TP63: variants seen among roughly 807,000 people sequenced by gnomAD.
TP63 encodes tumor protein 63.
Under a neutral mutation model 82.8 loss-of-function variants are expected in TP63, and 17 were observed. The observed-to-expected ratio is 0.21, with a 90% CI of 0.14 to 0.31. The LOEUF (loss-of-function observed/expected upper bound fraction) is 0.31. Among genes scored for constraint, TP63 ranks in the 10% least tolerant of loss-of-function variants. The pLI is 1.00. For missense variants in TP63, 648 were observed against 895.3 expected (o/e 0.72, Z 3.52); for synonymous variants, 330 against 321.7 (o/e 1.03, Z -0.28).
chr3:189,601,211 T>G, the TP63 span, among the ~76,000 whole-genome samples: 2 of 152,218 alleles, frequency 1.3e-5, no homozygotes, highest in South Asian at 4.1e-4. Flanking sequence ...TTTATGTTTT[T>G]GGAAAGTCTG....
intron 4 of TP63, among the ~76,000 whole-genome samples, chr3:189,827,279 G>A (rs568292395): frequency 4.2e-4 from 64 of 152,240 alleles, no homozygotes; most frequent in African/African-American, 1.5e-3. Context: ...TGTCTGCCAT[G>A]CAGACTCCTA....
chr3:189,732,618 C>A (rs574761904), intron 1 of TP63, among the ~76,000 whole-genome samples: 1,780 of 152,338 alleles, frequency 0.012, 20 homozygotes, highest in Non-Finnish European at 0.017. Flanking sequence ...GAAAGCCTCT[C>A]AACCACCTTC....
chr3:189,681,924 T>C (rs1235270745), intron 1 of TP63, among the ~76,000 whole-genome samples: 2 of 152,040 alleles, frequency 1.3e-5, no homozygotes, highest in Non-Finnish European at 2.9e-5. Flanking sequence ...AAAATAGCAA[T>C]GCAAAGGCTT....
the TP63 span, among the ~76,000 whole-genome samples, chr3:189,597,898 C>T: frequency 6.8e-6 from 1 of 148,118 alleles, no homozygotes; most frequent in Non-Finnish European, 1.5e-5. Context: ...CACTATACTT[C>T]AGCTTAGGCA....
At chr3:189,862,139 A>C (rs1490336826) in intron 4 of TP63, among the ~76,000 whole-genome samples, 1 of 152,168 alleles carries the variant, frequency 6.6e-6, no homozygotes, top group East Asian at 1.9e-4. Context: ...TGCTGGATAC[A>C]TTCATATGTT....
intron 1 of TP63, among the ~76,000 whole-genome samples, chr3:189,671,335 ATAT>A (rs1408482629): frequency 6.6e-6 from 1 of 152,154 alleles, no homozygotes; most frequent in East Asian, 1.9e-4. Flanking sequence ...CCACAATGAG[ATAT>A]TATCTCACTC....
At chr3:189,864,875 C>T (rs6444405) in intron 5 of TP63, among the ~76,000 whole-genome samples, 34,286 of 151,686 alleles carry the variant, frequency 0.23, 6,715 homozygotes, top group African/African-American at 0.54. Flanking sequence ...GGCATGGTGG[C>T]GGGCACCTGT....
At chr3:189,698,411 T>G (rs1366656770) in intron 1 of TP63, among the ~76,000 whole-genome samples, 1 of 152,156 alleles carries the variant, frequency 6.6e-6, no homozygotes, top group African/African-American at 2.4e-5. Flanking sequence ...TTTTCTCAGT[T>G]TCTTCCATCT....
intron 4 of TP63, among the ~76,000 whole-genome samples, chr3:189,847,668 G>A (rs1236969767): frequency 6.6e-6 from 1 of 152,172 alleles, no homozygotes; most frequent in Non-Finnish European, 1.5e-5. Context: ...AGGCAACGAG[G>A]TTAGTGCAAC....
intron 3 of TP63, among the ~76,000 whole-genome samples, chr3:189,754,810 A>G (rs1198267484): frequency 6.6e-6 from 1 of 151,960 alleles, no homozygotes; most frequent in African/African-American, 2.4e-5. Context: ...CCACTCTCAC[A>G]CTGCCATTAT....
intron 5 of TP63, among the ~76,000 whole-genome samples, chr3:189,865,877 T>C (rs1451741875): frequency 6.6e-6 from 1 of 152,246 alleles, no homozygotes; most frequent in Non-Finnish European, 1.5e-5. Flanking sequence ...TTCCCATTTT[T>C]TAAACATAAA....
rs1484341027 is a variant in TP63, at chr3:189,879,692, T to C, written c.1349+6697T>C. ...ATGCGAAGCACTGTGTTAAATACCT[T>C]GATCTACCTTATCTCAGTGGTCCTC... On this transcript the variant is annotated intron_variant, in intron 10 of 13. Transcript: ENST00000264731. Among the ~76,000 whole-genome samples the C allele has an allele frequency of 3.3e-5, 5 of 152,322 alleles. No homozygotes were observed. In the East Asian group the frequency reaches 9.6e-4, roughly 29 times the overall value.
chr3:189,739,857 A>T (rs1720855408), intron 3 of TP63, among the ~76,000 whole-genome samples: 1 of 151,786 alleles, frequency 6.6e-6, no homozygotes, highest in African/African-American at 2.4e-5. Context: ...ATTTCTAGAA[A>T]ACTAGTGGGG....
chr3:189,745,487 T>C (rs1721297344), intron 3 of TP63, among the ~76,000 whole-genome samples: 1 of 151,826 alleles, frequency 6.6e-6, no homozygotes, highest in Admixed American at 6.6e-5. Context: ...GGCGGGCAGA[T>C]CACAAGGTCA....
At chr3:189,757,759 C>G (rs1344935165) in intron 3 of TP63, among the ~76,000 whole-genome samples, 1 of 152,158 alleles carries the variant, frequency 6.6e-6, no homozygotes, top group Non-Finnish European at 1.5e-5. Flanking sequence ...CACCAGCAAT[C>G]TCAGATGACC....
chr3:189,684,731 A>C (rs1716291615), intron 1 of TP63, among the ~76,000 whole-genome samples: 1 of 151,344 alleles, frequency 6.6e-6, no homozygotes, highest in Non-Finnish European at 1.5e-5. Flanking sequence ...CCCGAGTTCA[A>C]GCGATTCTCA....
intron 3 of TP63, among the ~76,000 whole-genome samples, chr3:189,778,861 A>T (rs1724019489): frequency 6.6e-6 from 1 of 152,230 alleles, no homozygotes; most frequent in South Asian, 2.1e-4. Context: ...ATACTTAAAG[A>T]AGAGAATGTA....
the TP63 span, among the ~76,000 whole-genome samples, chr3:189,605,594 C>T: frequency 6.6e-6 from 1 of 152,112 alleles, no homozygotes; most frequent in Non-Finnish European, 1.5e-5. Flanking sequence ...GATTCTGGTA[C>T]CTGCTATGTG....
intron 3 of TP63, among the ~76,000 whole-genome samples, chr3:189,771,352 A>ATAT (rs1560171735): frequency 4.6e-4 from 63 of 135,806 alleles, no homozygotes; most frequent in African/African-American, 1.7e-3. Flanking sequence ...TATATAATAT[A>ATAT]TTAAATATAT....
Sources: gnomAD v4.1 joint callset for allele counts (sites outside exome capture counted in the v4.1 genomes callset) on GRCh38, gnomAD v4.1.1 for gene constraint, MANE v1.5 for transcripts, NCBI Gene and HGNC (gene_info 2026-07-23, HGNC 2026-07-21) for gene names.